Variants in ZBTB38 observed in about 807,000 individuals in gnomAD.
ZBTB38 encodes the protein zinc finger and BTB domain-containing protein 38.
A neutral mutation model predicts 76.8 loss-of-function variants in ZBTB38; 20 were observed. The ratio of observed to expected loss-of-function variants is 0.26; its 90% CI spans 0.18 to 0.38. ZBTB38 has a LOEUF of 0.38. Ranked by LOEUF, ZBTB38 falls within the 10% of genes least tolerant of loss-of-function variation. ZBTB38 has a pLI of 1.00. For synonymous variants in ZBTB38, 504 were observed against 544.2 expected (o/e 0.93, Z 1.03); for missense variants, 1,082 against 1,482.3 (o/e 0.73, Z 4.43).
At chr3:141,324,316 G>C (rs1418131456) in exon 1 of ZBTB38, 1 of 152,104 alleles carries the variant, frequency 6.6e-6, no homozygotes, top group Non-Finnish European at 1.5e-5. Flanking sequence ...TCATCCAACT[G>C]GTATCCATCT....
chr3:141,399,490 GA>G (rs979771188), intron 4 of ZBTB38, among the ~76,000 whole-genome samples: 6 of 152,130 alleles, frequency 3.9e-5, no homozygotes, highest in African/African-American at 1.4e-4. Context: ...GTAGAGATGA[GA>G]AAAAATGATT....
At chr3:141,383,529 T>C (rs934805108) in intron 3 of ZBTB38, 5 of 152,204 alleles carry the variant, frequency 3.3e-5, no homozygotes, top group African/African-American at 1.2e-4. Context: ...GATCCAAATG[T>C]TTATAAACCA....
rs200973051 is a variant in ZBTB38, at chr3:141,446,083, TAA to T, written c.*120_*121del. The T allele has an allele frequency of 7.1e-4, 499 of 697,904 alleles. No homozygotes were observed. The highest frequency in any genetic ancestry group is 1.4e-3 in the Middle Eastern group (3 of 2,200). The allele number at this position is 697,904 out of a possible 1,614,324, so 43.2% of individuals were successfully genotyped here. On this transcript the variant is annotated 3_prime_UTR_variant, in exon 6 of 6. Transcript: ENST00000321464. ...TGTGACAGTCATGAAGGAGTGAAAT[TAA>T]AAAAAAAAAAAACTCATTTGTGAAA...
intron 3 of ZBTB38, among the ~76,000 whole-genome samples, chr3:141,384,289 C>A (rs187740049): frequency 6.6e-6 from 1 of 152,350 alleles, no homozygotes; most frequent in Admixed American, 6.5e-5. Flanking sequence ...CCACCCTTCC[C>A]TGTAAAGGGA....
intron 1 of ZBTB38, among the ~76,000 whole-genome samples, chr3:141,337,190 T>G (rs1429960097): frequency 6.6e-6 from 1 of 152,088 alleles, no homozygotes; most frequent in African/African-American, 2.4e-5. Context: ...TATAACGGAG[T>G]GTTGTTGGTG....
chr3:141,358,382 C>G (rs1056367837), intron 1 of ZBTB38, among the ~76,000 whole-genome samples: 3 of 152,158 alleles, frequency 2.0e-5, no homozygotes, highest in Non-Finnish European at 4.4e-5. Context: ...GCCTTGCGAT[C>G]TGTCCAATTG....
At chr3:141,350,281 T>A (rs1943480831) in intron 1 of ZBTB38, among the ~76,000 whole-genome samples, 1 of 152,186 alleles carries the variant, frequency 6.6e-6, no homozygotes, top group Non-Finnish European at 1.5e-5. Context: ...AGTCTAGGAG[T>A]TGAAAATGAG....
At chr3:141,402,220 T>C (rs1952278695) in intron 4 of ZBTB38, 1 of 152,074 alleles carries the variant, frequency 6.6e-6, no homozygotes, top group South Asian at 2.1e-4. Flanking sequence ...GCCTGGTCCT[T>C]GGCGCCGCAG....
intron 1 of ZBTB38, among the ~76,000 whole-genome samples, chr3:141,363,398 C>T (rs1943873133): frequency 6.6e-6 from 1 of 152,126 alleles, no homozygotes; most frequent in Non-Finnish European, 1.5e-5. Flanking sequence ...GAAGCTGATC[C>T]TAAAAATCAT....
At position 141,445,350 on chromosome 3, in the gene ZBTB38, G is replaced by A. The variant is rs758856291; in HGVS notation, c.2962G>A (p.Asp988Asn). The A allele has an allele frequency of 2.5e-6, 4 of 1,614,014 alleles. No homozygotes were observed. The highest frequency in any genetic ancestry group is 3.4e-6 in the Non-Finnish European group (4 of 1,180,024). The change falls in exon 6 of 6, where the codon GAT becomes AAT. Residue 988 changes from aspartate to asparagine, a missense_variant. By Grantham distance (23) the Asp-to-Asn change is conservative. This residue lies in a region of ZBTB38 where 471 missense variants were observed against 581.0 expected (regional missense o/e 0.81). Coordinates refer to ENST00000321464, the MANE Select transcript of ZBTB38 (RefSeq NM_001376113.1). The surrounding 1 kb of genome is among the most constrained non-coding windows in gnomAD (Gnocchi z 6.5). ...GCCCAAGCTGCAGTGTGAACTCTGTGATGGAGACAAAGCAGTGGGGGCTGG... is the reference window on the plus strand; with the variant it reads ...GCCCAAGCTGCAGTGTGAACTCTGTAATGGAGACAAAGCAGTGGGGGCTGG... Reference protein sequence around the residue: ...EMPKLQCELCDGDKAVGAGNQ... With the variant: ...EMPKLQCELCNGDKAVGAGNQ...
chr3:141,357,534 T>G (rs1174964441), intron 1 of ZBTB38, among the ~76,000 whole-genome samples: 1 of 152,172 alleles, frequency 6.6e-6, no homozygotes, highest in Non-Finnish European at 1.5e-5. Flanking sequence ...TTTGTTCATT[T>G]GTTTGTTTGT....
At chr3:141,414,970 G>A (rs1017575540) in intron 5 of ZBTB38, among the ~76,000 whole-genome samples, 3 of 151,654 alleles carry the variant, frequency 2.0e-5, no homozygotes, top group African/African-American at 2.4e-5. Context: ...TTTCTTTCTC[G>A]GTGCTGAGTC....
intron 1 of ZBTB38, among the ~76,000 whole-genome samples, chr3:141,339,740 T>A (rs1315396418): frequency 6.6e-6 from 1 of 150,868 alleles, no homozygotes; most frequent in Non-Finnish European, 1.5e-5. Flanking sequence ...CGAGGAGGAG[T>A]GGGGAATCAA....
rs1231091386 is a variant in ZBTB38 at position 141,330,074 on chromosome 3, T to G, written c.-739+5618T>G. On this transcript the variant is annotated intron_variant, in intron 1 of 7. Transcript: ENST00000509842. ...TATATATAAAATAATGAAGGAGAGA[T>G]GACATATTTATTGTGGAAGAAAGGT... Among the ~76,000 whole-genome samples the G allele has an allele frequency of 3.9e-5, 6 of 152,106 alleles. No homozygotes were observed. In the East Asian group the frequency reaches 1.2e-3, roughly 29 times the overall value.
At chr3:141,394,719 T>C (rs1239275884) in intron 4 of ZBTB38, among the ~76,000 whole-genome samples, 1 of 152,158 alleles carries the variant, frequency 6.6e-6, no homozygotes, top group Non-Finnish European at 1.5e-5. Flanking sequence ...TTTGAATCGC[T>C]TGGTCTCCAG....
At chr3:141,391,089 G>A (rs1455219960) in intron 4 of ZBTB38, among the ~76,000 whole-genome samples, 1 of 152,108 alleles carries the variant, frequency 6.6e-6, no homozygotes, top group Non-Finnish European at 1.5e-5. Context: ...GAGCCCAGGA[G>A]TTCGAGGTTG....
At position 141,443,762 on chromosome 3, in the gene ZBTB38, G is replaced by A. The variant is rs748046799; in HGVS notation, c.1374G>A (p.Met458Ile). Residue 458 changes from methionine (M) to isoleucine (I), a missense_variant, in exon 6 of 6, where the codon ATG becomes ATA. Transcript: ENST00000321464. This position sits in a 1 kb window ranked among gnomAD's most constrained non-coding sequence, Gnocchi z 5.6. The part of the protein sequence containing the change: ...DHMVKFVNGQ[M>I]LYSCVVCKRS... Reference sequence around the variant, plus strand: ...TGGTTAAATTTGTTAATGGGCAAATGCTCTACAGTTGCGTTGTGTGCAAAC... The same window carrying A: ...TGGTTAAATTTGTTAATGGGCAAATACTCTACAGTTGCGTTGTGTGCAAAC... The A allele has an allele frequency of 4.6e-5, 74 of 1,613,782 alleles. No individual in the cohort carries two copies. Among genetic ancestry groups the A allele is most frequent in the Non-Finnish European group, 6.2e-5 (73 of 1,180,046 alleles).
chr3:141,428,351 T>C (rs1419894677), intron 5 of ZBTB38, among the ~76,000 whole-genome samples: 2 of 152,230 alleles, frequency 1.3e-5, no homozygotes, highest in Admixed American at 6.5e-5. Flanking sequence ...TACTGCTGTA[T>C]GTGTACACAT....
intron 5 of ZBTB38, among the ~76,000 whole-genome samples, chr3:141,409,668 C>G (rs943869139): frequency 2.6e-5 from 4 of 152,226 alleles, no homozygotes; most frequent in Non-Finnish European, 4.4e-5. Flanking sequence ...TCCTTATCTA[C>G]TGTCTGTGCT....
Sources: allele counts gnomAD v4.1 joint callset (sites outside exome capture counted in the v4.1 genomes callset), GRCh38; gene constraint gnomAD v4.1.1; regional missense constraint gnomAD v4.1.1; non-coding constraint Gnocchi (gnomAD v3.1); transcripts MANE v1.5; gene names NCBI Gene and HGNC (gene_info 2026-07-23, HGNC 2026-07-21).